The following TYW1B variants were observed in gnomAD, a reference collection of about 807,000 sequenced individuals.
The protein encoded by TYW1B is tRNA-yW synthesizing protein 1 homolog B.
In TYW1B, 73 loss-of-function variants were observed where a neutral mutation model predicts 86.9. The observed-to-expected ratio is 0.84, with a 90% CI of 0.70 to 1.02. The LOEUF (loss-of-function observed/expected upper bound fraction) is 1.02, where lower values mean the gene tolerates loss of function less well. Among genes scored for constraint, TYW1B ranks in the 50% least tolerant of loss-of-function variants. TYW1B has a pLI of 0.00. For missense variants in TYW1B, 637 were observed against 827.4 expected, an observed-to-expected ratio of 0.77 and a Z score of 2.82; for synonymous variants, 248 against 292.8, an observed-to-expected ratio of 0.85 and a Z score of 1.56.
At chr7:72,817,829 T>C (rs1165918260) in intron 2 of TYW1B, among the ~76,000 whole-genome samples, 3 of 152,120 alleles carry the variant, frequency 2.0e-5, no homozygotes, top group Non-Finnish European at 4.4e-5. Flanking sequence ...GGCTTCCAAT[T>C]GGTTACACCC....
chr7:72,713,576 A>G, intron 10 of TYW1B, 45 bp downstream of exon 10: 6 of 1,517,858 alleles, frequency 4.0e-6, no homozygotes, highest in Non-Finnish European at 4.4e-6. Context: ...CTTTGCAGTG[A>G]AACATAGATT....
At chr7:72,723,185 G>A (rs1278022771) in intron 9 of TYW1B, 5 of 386,984 alleles carry the variant, frequency 1.3e-5, no homozygotes, top group East Asian at 4.1e-5. Flanking sequence ...GGGGTTGTGG[G>A]GCTGGGGCCT....
chr7:72,639,846 A>G (rs1313484221), intron 11 of TYW1B, among the ~76,000 whole-genome samples: 1 of 149,060 alleles, frequency 6.7e-6, no homozygotes, highest in Non-Finnish European at 1.5e-5. Flanking sequence ...AGCCTGGGCA[A>G]CAGAGTGAGA....
intron 5 of TYW1B, among the ~76,000 whole-genome samples, chr7:72,805,776 G>A (rs1554476565): frequency 6.6e-6 from 1 of 152,106 alleles, no homozygotes; most frequent in African/African-American, 2.4e-5. Context: ...GCAGGCCAGG[G>A]TGCTAGACAG....
intron 6 of TYW1B, among the ~76,000 whole-genome samples, chr7:72,800,200 CTTTT>C (rs202041917): frequency 7.0e-6 from 1 of 142,698 alleles, no homozygotes; most frequent in Non-Finnish European, 1.5e-5. Flanking sequence ...TGTTTCACAT[CTTTT>C]TTTTTTTTTT....
intron 11 of TYW1B, among the ~76,000 whole-genome samples, chr7:72,657,241 G>C (rs1585880990): frequency 6.6e-6 from 1 of 152,066 alleles, no homozygotes; most frequent in Non-Finnish European, 1.5e-5. Context: ...CACGAGATTA[G>C]AGTGGAAGAA....
At chr7:72,644,090 T>C (rs1554441769) in intron 11 of TYW1B, among the ~76,000 whole-genome samples, 2 of 152,210 alleles carry the variant, frequency 1.3e-5, no homozygotes, top group South Asian at 2.1e-4. Flanking sequence ...GGTTTGTTAT[T>C]TGAAAATCAA....
At chr7:72,662,704 C>G (rs1585885133) in intron 11 of TYW1B, among the ~76,000 whole-genome samples, 1 of 152,134 alleles carries the variant, frequency 6.6e-6, no homozygotes, top group Non-Finnish European at 1.5e-5. Flanking sequence ...ATATCTCAGA[C>G]TATGAAGGAA....
intron 7 of TYW1B, among the ~76,000 whole-genome samples, chr7:72,776,328 T>C (rs1178128789): frequency 6.6e-6 from 1 of 151,978 alleles, no homozygotes; most frequent in East Asian, 1.9e-4. Context: ...CTCACACCTG[T>C]AATCCCAGCA....
chr7:72,621,598 T>C (rs1217755457), intron 12 of TYW1B, among the ~76,000 whole-genome samples: 17 of 152,200 alleles, frequency 1.1e-4, no homozygotes, highest in Admixed American at 9.8e-4. Context: ...CCTGATCTTA[T>C]CATATCCTGT....
At chr7:72,805,560 C>T (rs1788478535) in intron 5 of TYW1B, among the ~76,000 whole-genome samples, 1 of 151,450 alleles carries the variant, frequency 6.6e-6, no homozygotes, top group Admixed American at 6.6e-5. Context: ...CTGCAGTGAG[C>T]CATGATCATA....
intron 3 of TYW1B, among the ~76,000 whole-genome samples, chr7:72,815,152 C>A (rs1554479164): frequency 1.3e-5 from 2 of 151,898 alleles, no homozygotes; most frequent in East Asian, 3.9e-4. Flanking sequence ...AGTCCTGCCC[C>A]AGGAGAATTT....
At chr7:72,633,123 C>T (rs1267339183) in intron 11 of TYW1B, among the ~76,000 whole-genome samples, 1 of 152,254 alleles carries the variant, frequency 6.6e-6, no homozygotes, top group Non-Finnish European at 1.5e-5. Flanking sequence ...TGCCATGCAA[C>T]AACCCAGAAG....
intron 11 of TYW1B, among the ~76,000 whole-genome samples, chr7:72,675,614 G>A (rs1449826245): frequency 2.0e-5 from 3 of 147,676 alleles, no homozygotes; most frequent in Non-Finnish European, 4.5e-5. Flanking sequence ...CACATGCACT[G>A]TATATACACA....
rs369383322 is a variant in TYW1B at position 72,728,692 on chromosome 7, G to A, written c.1192+130C>T. On this transcript the variant is annotated intron_variant, in intron 9 of 13. Transcript: ENST00000620995. ...GGCAAAATATATATAATATTCCTAC[G>A]AAGTTTTCACTTCCTTAGAGGAAAA... is the stretch of plus-strand genomic sequence containing the variant. 197 of 872,740 alleles carry A rather than the reference G, an allele frequency of 2.3e-4. 1 individual carries two copies. In the African/African-American group the frequency reaches 2.5e-3, roughly 11 times the overall value. The allele number at this position is 872,740 out of a possible 1,614,324, so 54.1% of individuals were successfully genotyped here. A position where few individuals can be genotyped will look rare whatever the true frequency, so the allele number is the denominator to read the frequency against.
Position 72,777,454 on chromosome 7 carries a change from A to C in TYW1B, c.926T>G (p.Met309Arg). The C allele has an allele frequency of 6.2e-7, 1 of 1,614,128 alleles. No homozygotes were observed. Among genetic ancestry groups the C allele is most frequent in the Non-Finnish European group, 8.5e-7 (1 of 1,179,986 alleles). Residue 309 changes from methionine (M) to arginine (R), a missense_variant, in exon 7 of 14, where the codon ATG (methionine) becomes AGG (arginine). Transcript: ENST00000620995. ...GRNEDGERRA[M>R]ITPALREALT... is the part of the protein sequence containing the mutation. ...GGCTTCTCGGAGAGCAGGAGTTATC[A>C]TAGCTCTTCTTTCACCATCTTCATT...
At position 72,825,791 on chromosome 7, in the gene TYW1B, G is replaced by A. The variant is rs151211793; in HGVS notation, c.135+1064C>T. ...CCCTACTTCCATACCCATGGGCATCGATAATGGACTCACAACTTTCTCTAG... is the reference window on the plus strand; with the variant it reads ...CCCTACTTCCATACCCATGGGCATCAATAATGGACTCACAACTTTCTCTAG... On this transcript the variant is annotated intron_variant, in intron 2 of 13. Transcript: ENST00000620995. Among the ~76,000 whole-genome samples the A allele has an allele frequency of 6.6e-3, 1,010 of 152,222 alleles. 15 individuals carry two copies. The highest frequency in any genetic ancestry group is 0.021 in the African/African-American group (870 of 41,528).
chr7:72,603,567 C>G (rs145935790), intron 13 of TYW1B, among the ~76,000 whole-genome samples: 1 of 152,160 alleles, frequency 6.6e-6, no homozygotes, highest in Non-Finnish European at 1.5e-5. Flanking sequence ...GGACCACACA[C>G]GGTGATTTCC....
chr7:72,632,696 A>C (rs2129568831), intron 11 of TYW1B, among the ~76,000 whole-genome samples: 1 of 149,848 alleles, frequency 6.7e-6, no homozygotes, highest in African/African-American at 2.5e-5. Flanking sequence ...CATAAAAATA[A>C]TAGCAGGAGT....
Sources: gnomAD v4.1 joint callset for allele counts (sites outside exome capture counted in the v4.1 genomes callset) on GRCh38, gnomAD v4.1.1 for gene constraint, MANE v1.5 for transcripts, NCBI Gene and HGNC (gene_info 2026-07-23, HGNC 2026-07-21) for gene names.